The following CUL4A variants were observed in gnomAD, a reference collection of about 807,000 sequenced individuals.
CUL4A encodes cullin 4A, also known as cullin-4A.
A neutral mutation model predicts 95.5 loss-of-function variants in CUL4A; 16 were observed. That is an observed-to-expected ratio of 0.17 (90% CI 0.11 to 0.25). The LOEUF (loss-of-function observed/expected upper bound fraction) is 0.25, where lower values mean the gene tolerates loss of function less well. Among genes scored for constraint, CUL4A ranks in the 10% least tolerant of loss-of-function variants. The pLI, the probability that CUL4A is intolerant of heterozygous loss-of-function variation, is 1.00. For missense variants in CUL4A, 610 were observed against 937.0 expected, an observed-to-expected ratio of 0.65 and a Z score of 4.56; for synonymous variants, 380 against 353.1, an observed-to-expected ratio of 1.08 and a Z score of -0.85.
chr13:113,239,451 A>G lies in CUL4A; in HGVS notation c.935A>G (p.Asp312Gly), dbSNP rs1308536261. Residue 312 changes from aspartate to glycine, a missense_variant, in exon 10 of 20, where the codon GAT becomes GGT. This residue lies in a region of CUL4A where 153 missense variants were observed against 244.5 expected (regional missense o/e 0.63). Transcript: ENST00000375440. ...ILQKGLDHLLDENRVPDLAQM... is the reference protein window; with the variant it reads ...ILQKGLDHLLGENRVPDLAQM... ...ATCTCAGGGCTCGACCACTTACTGG[A>G]TGAGAACAGAGTGCCGGACCTCGCA... is the stretch of plus-strand genomic sequence containing the variant. 2 of 1,613,836 alleles carry G rather than the reference A, an allele frequency of 1.2e-6. No individual in the cohort carries two copies. Among genetic ancestry groups the G allele is most frequent in the Non-Finnish European group, 1.7e-6 (2 of 1,179,968 alleles).
At position 113,256,926 on chromosome 13, in the gene CUL4A, G is replaced by GTTTTTTTTTTTTT. The variant is rs951070829; in HGVS notation, c.2031+1812_2031+1824dup. 1.5e-3 allele frequency among the ~76,000 whole-genome samples: 69 copies of GTTTTTTTTTTTTT among 47,390 alleles called. 8 individuals are homozygous for GTTTTTTTTTTTTT. Among genetic ancestry groups the GTTTTTTTTTTTTT allele is most frequent in the African/African-American group, 2.1e-3 (24 of 11,186 alleles). 31.1% of individuals were successfully genotyped at this position (47,390 alleles called of 152,430 possible). A position where few individuals can be genotyped will look rare whatever the true frequency, so the allele number is the denominator to read the frequency against. ...AATGCTTTGTCCCTTTTTTTTTTTCGTTTTTTTTTTTTTTTTTTTTTTTGC... is the reference window on the plus strand; with the variant it reads ...AATGCTTTGTCCCTTTTTTTTTTTCGTTTTTTTTTTTTTTTTTTTTTTTTTTTTTTTTTTTTGC... On this transcript the variant is annotated intron_variant, in intron 18 of 19. Coordinates refer to ENST00000375440, the MANE Select transcript of CUL4A (RefSeq NM_001008895.4).
chr13:113,244,830 ACT>A (rs1325173787), intron 12 of CUL4A, 117 bp from the exon 13 acceptor site: 3 of 684,460 alleles, frequency 4.4e-6, no homozygotes, highest in Non-Finnish European at 7.4e-6. Context: ...ACAGAGCAAG[ACT>A]CTGTCTCAAA....
chr13:113,219,902 T>G (rs1264298948), intron 3 of CUL4A: 1 of 152,182 alleles, frequency 6.6e-6, no homozygotes, highest in East Asian at 1.9e-4. Flanking sequence ...AGAAAATCCT[T>G]TAATCTGGAC....
intron 15 of CUL4A, among the ~76,000 whole-genome samples, chr13:113,251,882 C>T (rs561432378): frequency 6.6e-6 from 1 of 152,134 alleles, no homozygotes; most frequent in African/African-American, 2.4e-5. Context: ...TGCTGAGTCC[C>T]GGAGCATTGG....
chr13:113,224,285 A>G (rs530108484), intron 3 of CUL4A, among the ~76,000 whole-genome samples: 2 of 152,032 alleles, frequency 1.3e-5, no homozygotes, highest in African/African-American at 2.4e-5. Flanking sequence ...CCCGGGAGGC[A>G]GATCTTGCAG....
chr13:113,260,600 T>C lies in CUL4A; in HGVS notation c.2032-7T>C. 6.3e-7 allele frequency: 1 copy of C among 1,588,916 alleles called. No individual in the cohort carries two copies. Among genetic ancestry groups the C allele is most frequent in the Non-Finnish European group, 8.5e-7 (1 of 1,174,130 alleles). On this transcript the variant is annotated splice_region_variant and splice_polypyrimidine_tract_variant and intron_variant, in intron 18 of 19. Transcript: ENST00000375440. ...TACACTTAACTTTTTTTTTCTTTTT[T>C]ATACAGGTTGAGGAACAGGTTAGCA...
At chr13:113,226,681 G>C (rs2041116352) in intron 3 of CUL4A, among the ~76,000 whole-genome samples, 1 of 152,132 alleles carries the variant, frequency 6.6e-6, no homozygotes, top group Admixed American at 6.5e-5. Context: ...GTTCATGTTA[G>C]TTTTCATTGA....
At chr13:113,242,288 CTA>C (rs1184324515) in intron 10 of CUL4A, among the ~76,000 whole-genome samples, 1 of 151,406 alleles carries the variant, frequency 6.6e-6, no homozygotes, top group Non-Finnish European at 1.5e-5. Context: ...AAAGTACAAA[CTA>C]AAAAAGTGAG....
intron 3 of CUL4A, among the ~76,000 whole-genome samples, chr13:113,223,425 G>A (rs557730680): frequency 2.6e-5 from 4 of 152,184 alleles, no homozygotes; most frequent in East Asian, 3.9e-4. Context: ...ACGGAGTTTC[G>A]CTCTTAATTG....
At chr13:113,253,590 C>T (rs2042048361) in intron 16 of CUL4A, among the ~76,000 whole-genome samples, 1 of 152,250 alleles carries the variant, frequency 6.6e-6, no homozygotes, top group East Asian at 1.9e-4. Context: ...AAAAAACAGA[C>T]TCTTGCCCAC....
chr13:113,233,633 T>C (rs2041439291), intron 6 of CUL4A, among the ~76,000 whole-genome samples: 1 of 152,100 alleles, frequency 6.6e-6, no homozygotes, highest in South Asian at 2.1e-4. Context: ...GATGACACGC[T>C]GGGGGAAAAT....
At chr13:113,224,715 T>A (rs2041037490) in intron 3 of CUL4A, among the ~76,000 whole-genome samples, 1 of 152,262 alleles carries the variant, frequency 6.6e-6, no homozygotes, top group African/African-American at 2.4e-5. Flanking sequence ...GCTCTGCACA[T>A]TCATGAATTG....
intron 4 of CUL4A, among the ~76,000 whole-genome samples, chr13:113,229,033 C>G (rs914957306): frequency 6.6e-6 from 1 of 151,912 alleles, no homozygotes; most frequent in Non-Finnish European, 1.5e-5. Context: ...GAGGCTGAGG[C>G]AGGAGAATGG....
At chr13:113,221,647 C>T (rs528727877) in intron 3 of CUL4A, among the ~76,000 whole-genome samples, 138 of 152,210 alleles carry the variant, frequency 9.1e-4, no homozygotes, top group Middle Eastern at 6.8e-3. Context: ...GGCACGATCT[C>T]GGCTCACTGC....
intron 15 of CUL4A, 50 bp from the exon 16 acceptor site, chr13:113,253,032 T>G: frequency 1.2e-4 from 101 of 850,540 alleles, no homozygotes; most frequent in Middle Eastern, 2.3e-4. Flanking sequence ...GGGGAGCTAT[T>G]GAGATGGATG....
At position 113,254,960 on chromosome 13, in the gene CUL4A, T is replaced by G; in HGVS notation, c.1866T>G (p.Ser622Arg). 1 of 1,610,370 alleles carries G rather than the reference T, an allele frequency of 6.2e-7. No individual in the cohort carries two copies. The highest frequency in any genetic ancestry group is 8.5e-7 in the Non-Finnish European group (1 of 1,178,100). ...CATTTGCTTCCCATTCAGAGGATAG[T>G]GAATTGCGCAGAACGCTGCAGTCCC... ...EIKMATGIEDSELRRTLQSLA... is the reference protein window; with the variant it reads ...EIKMATGIEDRELRRTLQSLA... The change falls in exon 18 of 20, where the codon AGT (serine) becomes AGG (arginine). Residue 622 changes from serine to arginine, a missense_variant. Around this residue, in one of 10 missense-constraint regions of CUL4A, gnomAD observed 72 missense variants for 93.2 expected, o/e 0.77. Coordinates refer to ENST00000375440, the MANE Select transcript of CUL4A (RefSeq NM_001008895.4).
intron 15 of CUL4A, among the ~76,000 whole-genome samples, chr13:113,252,119 C>A (rs2042009626): frequency 6.6e-6 from 1 of 152,176 alleles, no homozygotes; most frequent in Non-Finnish European, 1.5e-5. Flanking sequence ...TCACACACAG[C>A]CTGCCCCTGA....
chr13:113,257,018 G>C (rs536079989), intron 18 of CUL4A, among the ~76,000 whole-genome samples: 2 of 129,080 alleles, frequency 1.5e-5, no homozygotes, highest in South Asian at 5.5e-4. Context: ...TCCGTCCTCC[G>C]GGTTCAAGCG....
At chr13:113,218,239 A>G (rs1406096858) in intron 2 of CUL4A, among the ~76,000 whole-genome samples, 1 of 151,642 alleles carries the variant, frequency 6.6e-6, no homozygotes, top group African/African-American at 2.4e-5. Context: ...CTCCAACTCA[A>G]AAAAAAAAGA....
Sources: allele counts gnomAD v4.1 joint callset (sites outside exome capture counted in the v4.1 genomes callset), GRCh38; gene constraint gnomAD v4.1.1; regional missense constraint gnomAD v4.1.1; transcripts MANE v1.5; gene names NCBI Gene and HGNC (gene_info 2026-07-23, HGNC 2026-07-21).